Variants in ELAVL1 observed in about 807,000 individuals in gnomAD.
ELAVL1 encodes the protein ELAV like RNA binding protein 1.
In ELAVL1, 1 loss-of-function variant was observed where a neutral mutation model predicts 28.4. The ratio of observed to expected loss-of-function variants is 0.04; its 90% CI spans 0.01 to 0.17. The LOEUF (loss-of-function observed/expected upper bound fraction) is 0.17. Ranked by LOEUF, ELAVL1 falls within the 10% of genes least tolerant of loss-of-function variation. ELAVL1 has a pLI of 1.00. For synonymous variants in ELAVL1, 174 were observed against 183.5 expected, an observed-to-expected ratio of 0.95 and a Z score of 0.42; for missense variants, 157 against 447.2, an observed-to-expected ratio of 0.35 and a Z score of 5.85.
At chr19:7,968,271 T>C (rs565521137) in intron 4 of ELAVL1, among the ~76,000 whole-genome samples, 21 of 152,274 alleles carry the variant, frequency 1.4e-4, no homozygotes, top group African/African-American at 5.1e-4. Context: ...GGGCCCGCTG[T>C]GACAGCAGGC....
chr19:7,983,516 T>G (rs1417634879), intron 2 of ELAVL1, among the ~76,000 whole-genome samples: 1 of 152,158 alleles, frequency 6.6e-6, no homozygotes, highest in African/African-American at 2.4e-5. Context: ...CAGGGATTCC[T>G]GTGATATGGA....
At chr19:7,977,294 T>A (rs1401546629) in intron 3 of ELAVL1, among the ~76,000 whole-genome samples, 3 of 152,212 alleles carry the variant, frequency 2.0e-5, no homozygotes. Flanking sequence ...TGTAGCCACA[T>A]ACAGCACCCG....
chr19:8,005,037 ACCTCGCACCGG>A (rs2081082206), intron 1 of ELAVL1, among the ~76,000 whole-genome samples: 1 of 151,762 alleles, frequency 6.6e-6, no homozygotes, highest in South Asian at 2.1e-4. Flanking sequence ...TTCTCAAAGG[ACCTCGCACCGG>A]CCGCGGTGCT....
At chr19:7,991,871 T>C in intron 1 of ELAVL1, 40 bp from the exon 2 acceptor site, 2 of 1,523,290 alleles carry the variant, frequency 1.3e-6, no homozygotes, top group Non-Finnish European at 1.8e-6. Flanking sequence ...AAAATGTTCA[T>C]ATTGCAGTAT....
rs565324813 is a variant in ELAVL1 at position 7,989,353 on chromosome 19, A to G, written c.172+2291T>C. On this transcript the variant is annotated intron_variant, in intron 2 of 5. Coordinates refer to ENST00000407627, the MANE Select transcript of ELAVL1 (RefSeq NM_001419.3). ...GCCACTCCACAACTCCTGGTGCGCC[A>G]GTTACTAACTACTGTCCAAAGATAA... is the stretch of plus-strand genomic sequence containing the variant. Among the ~76,000 whole-genome samples the G allele has an allele frequency of 6.6e-5, 10 of 152,326 alleles. No individual in the cohort carries two copies. The South Asian group carries it at 2.1e-3, about 32-fold the overall frequency.
At chr19:7,984,068 A>G (rs1214390393) in intron 2 of ELAVL1, among the ~76,000 whole-genome samples, 1 of 151,944 alleles carries the variant, frequency 6.6e-6, no homozygotes, top group Non-Finnish European at 1.5e-5. Context: ...TCTCTGCCAC[A>G]TGCTCTTCCT....
At chr19:7,983,752 C>T (rs1389377878) in intron 2 of ELAVL1, among the ~76,000 whole-genome samples, 1 of 152,158 alleles carries the variant, frequency 6.6e-6, no homozygotes, top group Non-Finnish European at 1.5e-5. Flanking sequence ...TCCTCAGCCA[C>T]AGCCGGTTCC....
intron 1 of ELAVL1, among the ~76,000 whole-genome samples, chr19:8,001,290 T>A (rs1341435264): frequency 6.6e-6 from 1 of 152,180 alleles, no homozygotes; most frequent in Non-Finnish European, 1.5e-5. Context: ...CTTCATTTGG[T>A]GGCATAGCCC....
chr19:8,003,942 G>C (rs2081078141), intron 1 of ELAVL1, among the ~76,000 whole-genome samples: 1 of 152,130 alleles, frequency 6.6e-6, no homozygotes, highest in Non-Finnish European at 1.5e-5. Flanking sequence ...GTGATTATAG[G>C]AGCAGTACAA....
chr19:7,966,871 G>A (rs1450342964), intron 5 of ELAVL1, among the ~76,000 whole-genome samples: 3 of 151,970 alleles, frequency 2.0e-5, no homozygotes, highest in Non-Finnish European at 4.4e-5. Flanking sequence ...CTCCTAACTC[G>A]GCCTCCTGAG....
chr19:7,983,896 T>C (rs1208338184), intron 2 of ELAVL1, among the ~76,000 whole-genome samples: 1 of 152,022 alleles, frequency 6.6e-6, no homozygotes, highest in Non-Finnish European at 1.5e-5. Flanking sequence ...CCCCTGAGCT[T>C]TCGGCAGCTC....
At chr19:8,004,738 G>A (rs956451334) in intron 1 of ELAVL1, among the ~76,000 whole-genome samples, 3 of 152,150 alleles carry the variant, frequency 2.0e-5, no homozygotes, top group African/African-American at 7.2e-5. Flanking sequence ...AGCCCATGCA[G>A]AAGTTGTGCA....
Position 7,960,731 on chromosome 19 carries a change from C to G in ELAVL1, c.*2752G>C, listed in dbSNP as rs143921406. 1.3e-5 allele frequency: 2 copies of G among 152,582 alleles called. No homozygotes were observed. Among genetic ancestry groups the G allele is most frequent in the East Asian group, 3.9e-4 (2 of 5,182 alleles). 9.5% of individuals were successfully genotyped at this position (152,582 alleles called of 1,614,324 possible). A position where few individuals can be genotyped will look rare whatever the true frequency, so the allele number is the denominator to read the frequency against. The stretch of plus-strand genomic sequence containing the variant: ...TCTGAACGCTTTTTCATCGAAATTC[C>G]CAAATAAAAGCAGAGCACTCATTTT... On this transcript the variant is annotated 3_prime_UTR_variant, in exon 6 of 6. Coordinates refer to ENST00000407627, the MANE Select transcript of ELAVL1 (RefSeq NM_001419.3).
chr19:7,996,134 T>C (rs1268323852), intron 1 of ELAVL1, among the ~76,000 whole-genome samples: 1 of 151,890 alleles, frequency 6.6e-6, no homozygotes, highest in Non-Finnish European at 1.5e-5. Context: ...TCTTGGCCTC[T>C]CAAAGTATTA....
intron 3 of ELAVL1, among the ~76,000 whole-genome samples, chr19:7,975,884 C>A (rs1037452495): frequency 6.6e-6 from 1 of 151,968 alleles, no homozygotes; most frequent in East Asian, 1.9e-4. Context: ...GTGGGAGGAT[C>A]GCTTGAACCC....
chr19:7,995,662 CA>C (rs1490477557), intron 1 of ELAVL1, among the ~76,000 whole-genome samples: 1 of 151,396 alleles, frequency 6.6e-6, no homozygotes, highest in Non-Finnish European at 1.5e-5. Flanking sequence ...GCTCTTCACA[CA>C]AAAAAAATCT....
chr19:7,963,460 G>A lies in ELAVL1; in HGVS notation c.*23C>T, dbSNP rs538636870. 1.0e-5 allele frequency: 16 copies of A among 1,593,448 alleles called. No individual in the cohort carries two copies. The highest frequency in any genetic ancestry group is 5.2e-5 in the Admixed American group (3 of 58,234). Reference sequence around the variant, plus strand: ...TCCTTCACTCTTAATTATCTATTCCGTACAAAAAAAAGCATGAGCGAGTTA... The same window carrying A: ...TCCTTCACTCTTAATTATCTATTCCATACAAAAAAAAGCATGAGCGAGTTA... On this transcript the variant is annotated 3_prime_UTR_variant, in exon 6 of 6. Transcript: ENST00000407627. The surrounding 1 kb of genome is among the most constrained non-coding windows in gnomAD (Gnocchi z 4.5).
chr19:7,969,375 C>A (rs748430937), intron 4 of ELAVL1, among the ~76,000 whole-genome samples: 4 of 152,200 alleles, frequency 2.6e-5, no homozygotes, highest in Non-Finnish European at 5.9e-5. Context: ...ACGCCTCACA[C>A]GGCACCTTAC....
intron 1 of ELAVL1, among the ~76,000 whole-genome samples, chr19:8,004,575 A>G (rs2081080409): frequency 6.6e-6 from 1 of 152,138 alleles, no homozygotes; most frequent in Admixed American, 6.6e-5. Context: ...CCCCACTACC[A>G]CCACAACCAA....
Sources: gnomAD v4.1 joint callset for allele counts (sites outside exome capture counted in the v4.1 genomes callset) on GRCh38, gnomAD v4.1.1 for gene constraint, Gnocchi (gnomAD v3.1) non-coding constraint, MANE v1.5 for transcripts, NCBI Gene and HGNC (gene_info 2026-07-23, HGNC 2026-07-21) for gene names.